Variants in PLXNA3 observed in about 807,000 individuals in gnomAD.
The protein encoded by PLXNA3 is plexin A3.
In PLXNA3, 52 loss-of-function variants were observed where a neutral mutation model predicts 118.8. The observed-to-expected ratio is 0.44, with a 90% CI of 0.35 to 0.55. The LOEUF (loss-of-function observed/expected upper bound fraction) is 0.55, where lower values mean the gene tolerates loss of function less well. PLXNA3 is among the 20% of genes least tolerant of loss of function. The pLI, the probability that PLXNA3 is intolerant of heterozygous loss-of-function variation, is 0.01. For missense variants in PLXNA3, 1,660 were observed against 1,730.8 expected, an observed-to-expected ratio of 0.96 and a Z score of 0.73; for synonymous variants, 925 against 762.4, an observed-to-expected ratio of 1.21 and a Z score of -3.51.
At chrX:154,472,548 G>A (rs370431637) in intron 32 of PLXNA3, 42 bp from the exon 33 acceptor site, 13 of 934,843 alleles carry the variant, frequency 1.4e-5, no homozygotes, top group Admixed American at 4.4e-5. Context: ...CAGGAGCTGC[G>A]CCCCCTACAG....
Position 154,468,348 on chromosome X carries a change from C to T in PLXNA3, c.4009C>T (p.Leu1337=). ...EKALRLFGQL[L]HSRAFVLTFI... ...GGCCCTGCGCCTCTTCGGGCAGCTG[C>T]TGCACAGCCGCGCGTTCGTGCTTAC... The change falls in exon 23 of 33, where the codon CTG becomes TTG. Residue 1337 remains leucine, a synonymous_variant. Coordinates refer to ENST00000369682, the MANE Select transcript of PLXNA3 (RefSeq NM_017514.5). The T allele has an allele frequency of 8.3e-7, 1 of 1,210,092 alleles. No homozygotes were observed. The highest frequency in any genetic ancestry group is 1.1e-6 in the Non-Finnish European group (1 of 894,903).
At position 154,467,940 on chromosome X, in the gene PLXNA3, C is replaced by T; in HGVS notation, c.3759C>T (p.Leu1253=). 1 of 1,210,927 alleles carries T rather than the reference C, an allele frequency of 8.3e-7. No individual in the cohort carries two copies. Among genetic ancestry groups the T allele is most frequent in the Non-Finnish European group, 1.1e-6 (1 of 895,221 alleles). The part of the protein sequence containing the change: ...KRKTQDADRT[L]KRLQLQMDNL... ...AGACTCAGGACGCGGACCGTACCCT[C>T]AAGCGTCTGCAGCTGCAGATGGACA... Residue 1253 remains leucine, a synonymous_variant, in exon 21 of 33, where the codon CTC becomes CTT. Coordinates refer to ENST00000369682, the MANE Select transcript of PLXNA3 (RefSeq NM_017514.5).
chrX:154,460,443 C>A lies in PLXNA3; in HGVS notation c.260C>A (p.Ala87Asp). 1 of 1,202,201 alleles carries A rather than the reference C, an allele frequency of 8.3e-7. No homozygotes were observed. Among genetic ancestry groups the A allele is most frequent in the Non-Finnish European group, 1.1e-6 (1 of 889,481 alleles). The change falls in exon 2 of 33, where the codon GCC becomes GAC. Residue 87 changes from alanine (A) to aspartate (D), a missense_variant. Ala to Asp is a moderately radical substitution (Grantham distance 126). Coordinates refer to ENST00000369682, the MANE Select transcript of PLXNA3 (RefSeq NM_017514.5). ...CCGCCCCCCAGCATGCGCGTGTGTGCCCACCGCCTGGCCCCCGTGGACAAC... is the reference window on the plus strand; with the variant it reads ...CCGCCCCCCAGCATGCGCGTGTGTGACCACCGCCTGGCCCCCGTGGACAAC... ...CYPPPSMRVC[A>D]HRLAPVDNIN... is the part of the protein sequence containing the mutation.
intron 29 of PLXNA3, 72 bp from the exon 30 acceptor site, chrX:154,470,370 C>A: frequency 9.3e-7 from 1 of 1,077,615 alleles, no homozygotes. Flanking sequence ...GCCTTTCTGC[C>A]TCCATCTGTC....
Position 154,465,337 on chromosome X carries a change from T to C in PLXNA3, c.2245-87T>C, listed in dbSNP as rs150021797. 1.8e-3 allele frequency: 1,889 copies of C among 1,026,928 alleles called. 20 individuals are homozygous for C. In the African/African-American group the frequency reaches 0.031, roughly 17 times the overall value. The allele number at this position is 1,026,928 out of a possible 1,213,427, so 84.6% of individuals were successfully genotyped here. A position where few individuals can be genotyped will look rare whatever the true frequency, so the allele number is the denominator to read the frequency against. On this transcript the variant is annotated intron_variant, in intron 11 of 32. Coordinates refer to ENST00000369682, the MANE Select transcript of PLXNA3 (RefSeq NM_017514.5). ...CTGAGTCTCCTGCTAGGGATTCCTG[T>C]ACCTGGAGGAGGGGGGCAGCTGGCA... is the stretch of plus-strand genomic sequence containing the variant.
In PLXNA3 at chrX:154,476,606, A is replaced by G. The variant is rs1297148449; in HGVS notation, c.*3921A>G. 4.5e-5 allele frequency: 5 copies of G among 112,284 alleles called. No homozygotes were observed. The highest frequency in any genetic ancestry group is 7.5e-5 in the Non-Finnish European group (4 of 53,259). The allele number at this position is 112,284 out of a possible 1,213,427, so 9.3% of individuals were successfully genotyped here. On this transcript the variant is annotated 3_prime_UTR_variant, in exon 33 of 33. Coordinates refer to ENST00000369682, the MANE Select transcript of PLXNA3 (RefSeq NM_017514.5). The stretch of plus-strand genomic sequence containing the variant: ...TCTTCATAAGCTGAAGGCCAGTGCC[A>G]CCGTCACCACTGGCAGAGCTCCCCA...
Position 154,477,754 on chromosome X carries a change from C to CAAAT in PLXNA3, c.*5073_*5076dup. On this transcript the variant is annotated 3_prime_UTR_variant, in exon 33 of 33. Transcript: ENST00000369682. Reference sequence around the variant, plus strand: ...AGAATATTGGGAGGTGCCCCAGCTGCAAATAAACTCAGACTTGGAATAGTA... The same window carrying CAAAT: ...AGAATATTGGGAGGTGCCCCAGCTGCAAATAAATAAACTCAGACTTGGAATAGTA... 2.6e-6 allele frequency: 1 copy of CAAAT among 379,583 alleles called. No homozygotes were observed. Among genetic ancestry groups the CAAAT allele is most frequent in the African/African-American group, 2.7e-5 (1 of 36,520 alleles). 31.3% of individuals were successfully genotyped at this position (379,583 alleles called of 1,213,427 possible). A position where few individuals can be genotyped will look rare whatever the true frequency, so the allele number is the denominator to read the frequency against.
chrX:154,459,812 C>T (rs1053660427), intron 1 of PLXNA3, among the ~76,000 whole-genome samples: 3 of 113,141 alleles, frequency 2.7e-5, no homozygotes, highest in Non-Finnish European at 3.8e-5. Context: ...TCAGCTCAGG[C>T]GTTGGGGGCA....
chrX:154,460,896 G>T (rs1201600059), intron 2 of PLXNA3, 119 bp downstream of exon 2: 32 of 645,012 alleles, frequency 5.0e-5, no homozygotes, highest in Non-Finnish European at 6.7e-5. Context: ...CAGACAGGTT[G>T]CGGAGGGTGG....
Position 154,466,674 on chromosome X carries a change from C to A in PLXNA3, c.2988C>A (p.Pro996=). 1 of 1,201,832 alleles carries A rather than the reference C, an allele frequency of 8.3e-7. No individual in the cohort carries two copies. Among genetic ancestry groups the A allele is most frequent in the East Asian group, 3.0e-5 (1 of 33,377 alleles). The change falls in exon 17 of 33, where the codon CCC becomes CCA. Residue 996 remains proline (P), a synonymous_variant. Coordinates refer to ENST00000369682, the MANE Select transcript of PLXNA3 (RefSeq NM_017514.5). ...TCTCACCTCTCTCCACCCTGGGCCC[C>A]AGCCAGGCCCCCATCACACTTGCCA... The part of the protein sequence containing the change: ...VCISPLSTLG[P]SQAPITLAID...
At chrX:154,466,343 C>T (rs781813804) in intron 15 of PLXNA3, 33 bp from the exon 16 acceptor site, 47 of 1,210,177 alleles carry the variant, frequency 3.9e-5, no homozygotes, top group Non-Finnish European at 4.7e-5. Context: ...CAGCCCGGCC[C>T]GGCTCCTCCC....
At chrX:154,463,822 A>G (rs2148248595) in intron 6 of PLXNA3, 129 bp from the exon 7 acceptor site, 1 of 983,346 alleles carries the variant, frequency 1.0e-6, no homozygotes, top group Non-Finnish European at 1.4e-6. Flanking sequence ...TGGAACCTCC[A>G]CCCCGAGTGA....
chrX:154,459,207 T>TC lies in PLXNA3; in HGVS notation c.-28+784dup, dbSNP rs375181545. Among the ~76,000 whole-genome samples, 345 of 89,982 alleles carry TC rather than the reference T, an allele frequency of 3.8e-3. 1 individual carries two copies. The highest frequency in any genetic ancestry group is 0.014 in the African/African-American group (337 of 24,712). The allele number at this position is 89,982 out of a possible 115,157, so 78.1% of individuals were successfully genotyped here. A position where few individuals can be genotyped will look rare whatever the true frequency, so the allele number is the denominator to read the frequency against. On this transcript the variant is annotated intron_variant, in intron 1 of 32. Transcript: ENST00000369682. ...GCCCTCAAGCTGGGTACCTCCTATCTCCCCCGGGAGCTCTGGCACTGAGAG... is the reference window on the plus strand; with the variant it reads ...GCCCTCAAGCTGGGTACCTCCTATCTCCCCCCGGGAGCTCTGGCACTGAGAG...
rs914665177 is a variant in PLXNA3 at position 154,473,319 on chromosome X, G to A, written c.*634G>A. ...GCCCTATTCTCTCTGAGCACCTGGA[G>A]GGCTGGACTCAGGCTTGTGCCAGGG... is the stretch of plus-strand genomic sequence containing the variant. On this transcript the variant is annotated 3_prime_UTR_variant, in exon 33 of 33. Transcript: ENST00000369682. The A allele has an allele frequency of 8.8e-6, 1 of 113,274 alleles. No individual in the cohort carries two copies. 9.3% of individuals were successfully genotyped at this position (113,274 alleles called of 1,213,427 possible).
chrX:154,466,298 C>G, intron 15 of PLXNA3, 28 bp downstream of exon 15: 1 of 1,210,461 alleles, frequency 8.3e-7, no homozygotes, highest in Non-Finnish European at 1.1e-6. Context: ...CTACCCCTTC[C>G]TGTCCCTTCT....
chrX:154,460,500 C>T lies in PLXNA3; in HGVS notation c.317C>T (p.Ala106Val). ...INKLLLIDYA[A>V]RRLVACGSIW... ...AAGCTGCTGCTCATAGACTATGCGG[C>T]CCGCCGCCTGGTGGCCTGCGGCAGC... is the stretch of plus-strand genomic sequence containing the variant. The change falls in exon 2 of 33, where the codon GCC becomes GTC. Residue 106 changes from alanine (A) to valine (V), a missense_variant. This residue lies in a region of PLXNA3 where 791 missense variants were observed against 652.1 expected (regional missense o/e 1.21). Coordinates refer to ENST00000369682, the MANE Select transcript of PLXNA3 (RefSeq NM_017514.5). 1 of 1,209,953 alleles carries T rather than the reference C, an allele frequency of 8.3e-7. No homozygotes were observed. The highest frequency in any genetic ancestry group is 1.7e-5 in the African/African-American group (1 of 58,002).
At position 154,460,182 on chromosome X, in the gene PLXNA3, C is replaced by T. The variant is rs200397807; in HGVS notation, c.-2C>T. On this transcript the variant is annotated 5_prime_UTR_variant, in exon 2 of 33. Coordinates refer to ENST00000369682, the MANE Select transcript of PLXNA3 (RefSeq NM_017514.5). ...GCCTGTCCCCAGGCGCGGCTGCCGG[C>T]CATGCCCTCTGTCTGCCTCCTCCTG... 4.2e-6 allele frequency: 5 copies of T among 1,190,341 alleles called. No individual in the cohort carries two copies. The highest frequency in any genetic ancestry group is 5.7e-6 in the Non-Finnish European group (5 of 879,090).
intron 3 of PLXNA3, 105 bp downstream of exon 3, chrX:154,461,743 C>T: frequency 2.4e-6 from 2 of 819,735 alleles, no homozygotes; most frequent in Non-Finnish European, 3.4e-6. Flanking sequence ...TGCCATGGCC[C>T]TGGGAGTGGC....
chrX:154,459,258 G>T (rs2148241173), intron 1 of PLXNA3, among the ~76,000 whole-genome samples: 1 of 108,943 alleles, frequency 9.2e-6, no homozygotes, highest in South Asian at 4.1e-4. Context: ...TGCCCTGTTG[G>T]CTGCCACGAC....
Sources: gnomAD v4.1 joint callset for allele counts (sites outside exome capture counted in the v4.1 genomes callset) on GRCh38, gnomAD v4.1.1 for gene constraint, gnomAD v4.1.1 regional missense constraint, MANE v1.5 for transcripts, NCBI Gene and HGNC (gene_info 2026-07-23, HGNC 2026-07-21) for gene names.